The following KCNQ1 variants were observed in gnomAD, a reference collection of about 807,000 sequenced individuals.
KCNQ1 encodes the protein potassium voltage-gated channel subfamily KQT member 1.
A neutral mutation model predicts 72.4 loss-of-function variants in KCNQ1; 49 were observed. The ratio of observed to expected loss-of-function variants is 0.68; its 90% CI spans 0.54 to 0.86. The LOEUF (loss-of-function observed/expected upper bound fraction) is 0.86. Ranked by LOEUF, KCNQ1 falls within the 40% of genes least tolerant of loss-of-function variation. The probability of loss-of-function intolerance (pLI) is 0.00; values close to 1 mark genes in which losing one functional copy is unlikely to be tolerated. For synonymous variants in KCNQ1, 450 were observed against 412.6 expected, an observed-to-expected ratio of 1.09 and a Z score of -1.10; for missense variants, 790 against 945.1, an observed-to-expected ratio of 0.84 and a Z score of 2.15.
At chr11:2,504,343 T>C (rs1847064136) in intron 1 of KCNQ1, among the ~76,000 whole-genome samples, 1 of 151,674 alleles carries the variant, frequency 6.6e-6, no homozygotes, top group Admixed American at 6.6e-5. Context: ...TAGTGGGGGT[T>C]GTGAGGGAAG....
At chr11:2,622,262 G>A (rs767731813) in intron 10 of KCNQ1, 26 of 398,146 alleles carry the variant, frequency 6.5e-5, no homozygotes, top group South Asian at 1.3e-4. Context: ...TTCCAATTGC[G>A]AAGTCTTGAG....
intron 7 of KCNQ1, 144 bp downstream of exon 7, chr11:2,583,689 C>A (rs1361769309): frequency 2.8e-6 from 2 of 708,692 alleles, no homozygotes; most frequent in Non-Finnish European, 5.2e-6. Context: ...TACTCCAGAG[C>A]CCCACCTGCC....
intron 15 of KCNQ1, among the ~76,000 whole-genome samples, chr11:2,801,237 CT>C (rs1847257049): frequency 6.6e-6 from 1 of 152,182 alleles, no homozygotes; most frequent in Non-Finnish European, 1.5e-5. Flanking sequence ...GTGGAGCTGT[CT>C]GTAGGTGGAC....
intron 15 of KCNQ1, among the ~76,000 whole-genome samples, chr11:2,834,357 G>A (rs1039679722): frequency 5.9e-5 from 9 of 152,134 alleles, no homozygotes; most frequent in African/African-American, 2.2e-4. Context: ...GGGAGGGTGG[G>A]CAGAGCAGGA....
chr11:2,838,190 A>G (rs1848120203), intron 15 of KCNQ1, among the ~76,000 whole-genome samples: 3 of 152,248 alleles, frequency 2.0e-5, no homozygotes, highest in Admixed American at 1.3e-4. Flanking sequence ...AGAGGTGGGG[A>G]TGGAAGGAAG....
At chr11:2,472,369 T>A (rs1025274958) in intron 1 of KCNQ1, among the ~76,000 whole-genome samples, 1 of 151,464 alleles carries the variant, frequency 6.6e-6, no homozygotes, top group Non-Finnish European at 1.5e-5. Context: ...TGTGTACCTA[T>A]GTCTGTATAG....
intron 11 of KCNQ1, among the ~76,000 whole-genome samples, chr11:2,717,992 C>T (rs1851123800): frequency 6.6e-6 from 1 of 152,228 alleles, no homozygotes. Context: ...GCTGCGAAAG[C>T]TGCGTCTGTC....
chr11:2,643,912 A>G (rs1849620849), intron 10 of KCNQ1: 2 of 398,458 alleles, frequency 5.0e-6, no homozygotes, highest in Admixed American at 4.4e-5. Context: ...TTCTTTCAGC[A>G]CTCTGCGTAT....
chr11:2,662,288 T>C, intron 11 of KCNQ1: 1 of 614,584 alleles, frequency 1.6e-6, no homozygotes, highest in South Asian at 2.0e-5. Flanking sequence ...GGGAACATGA[T>C]CCTCTTGTTT....
rs1000301650 is a variant in KCNQ1 at position 2,544,308 on chromosome 11, ATATG to A, written c.477+16294_477+16297del. 1.1e-4 allele frequency among the ~76,000 whole-genome samples: 12 copies of A among 104,978 alleles called. No homozygotes were observed. The highest frequency in any genetic ancestry group is 2.0e-4 in the Admixed American group (2 of 9,854). The allele number at this position is 104,978 out of a possible 152,430, so 68.9% of individuals were successfully genotyped here. Reference sequence around the variant, plus strand: ...TATATATATATGTATATATGTGTATATATGTATATATCTATGTATATATATGTGT... The same window carrying A: ...TATATATATATGTATATATGTGTATATATATATCTATGTATATATATGTGT... On this transcript the variant is annotated intron_variant, in intron 2 of 15. Coordinates refer to ENST00000155840, the MANE Select transcript of KCNQ1 (RefSeq NM_000218.3). This position sits in a 1 kb window ranked among gnomAD's most constrained non-coding sequence, Gnocchi z 4.4.
Position 2,624,885 on chromosome 11 carries a change from A to C in KCNQ1, c.1393+36031A>C. The C allele has an allele frequency of 2.5e-6, 1 of 398,530 alleles. No homozygotes were observed. Among genetic ancestry groups the C allele is most frequent in the East Asian group, 3.6e-5 (1 of 28,062 alleles). The allele number at this position is 398,530 out of a possible 1,614,324, so 24.7% of individuals were successfully genotyped here. On this transcript the variant is annotated intron_variant, in intron 10 of 15. Coordinates refer to ENST00000155840, the MANE Select transcript of KCNQ1 (RefSeq NM_000218.3). This position sits in a 1 kb window ranked among gnomAD's most constrained non-coding sequence, Gnocchi z 4.9. ...TATTTCATTTAACATAATGGCCTCG[A>C]GGTTCATCCATGTTGTGGCATGTGT...
At chr11:2,788,396 C>T (rs916009413) in intron 15 of KCNQ1, among the ~76,000 whole-genome samples, 11 of 152,202 alleles carry the variant, frequency 7.2e-5, no homozygotes, top group Admixed American at 5.2e-4. Context: ...AAGTGTGTGT[C>T]GGTGCAGGCA....
rs938747774 is a variant in KCNQ1, at chr11:2,572,236, G to A, written c.780+127G>A. The A allele has an allele frequency of 5.8e-6, 4 of 691,410 alleles. No individual in the cohort carries two copies. In the East Asian group the frequency reaches 8.2e-5, roughly 14 times the overall value. 42.8% of individuals were successfully genotyped at this position (691,410 alleles called of 1,614,324 possible). ...GGGCCGGTGGGTGCCTGGGCGCAGG[G>A]GTACCTGAACGGGGCCCAGGATCTC... On this transcript the variant is annotated intron_variant, in intron 5 of 15. Coordinates refer to ENST00000155840, the MANE Select transcript of KCNQ1 (RefSeq NM_000218.3).
At chr11:2,794,424 A>G (rs234876) in intron 15 of KCNQ1, among the ~76,000 whole-genome samples, 50,780 of 152,028 alleles carry the variant, frequency 0.33, 8,684 homozygotes, top group Middle Eastern at 0.42. Context: ...GTGCTTAGAG[A>G]TCAAGTGGAA....
At chr11:2,513,983 G>C (rs1296043397) in intron 1 of KCNQ1, among the ~76,000 whole-genome samples, 1 of 152,222 alleles carries the variant, frequency 6.6e-6, no homozygotes, top group Non-Finnish European at 1.5e-5. Context: ...GCTGCTCAGA[G>C]AGGCAAGTGG....
chr11:2,681,544 A>G lies in KCNQ1; in HGVS notation c.1514+19463A>G, dbSNP rs1850396849. The G allele has an allele frequency of 1.5e-5, 6 of 398,324 alleles. No homozygotes were observed. The East Asian group carries it at 2.1e-4, about 14-fold the overall frequency. The allele number at this position is 398,324 out of a possible 1,614,324, so 24.7% of individuals were successfully genotyped here. A position where few individuals can be genotyped will look rare whatever the true frequency, so the allele number is the denominator to read the frequency against. On this transcript the variant is annotated intron_variant, in intron 11 of 15. Transcript: ENST00000155840. ...AGCCAGCCCATGATGCCTGGAAGGA[A>G]CTTACCCTTTTCTAGAGTAACTTCC...
rs530885134 is a variant in KCNQ1 at position 2,715,260 on chromosome 11, C to A, written c.1514+53179C>A. On this transcript the variant is annotated intron_variant, in intron 11 of 15. Coordinates refer to ENST00000155840, the MANE Select transcript of KCNQ1 (RefSeq NM_000218.3). The surrounding 1 kb of genome is among the most constrained non-coding windows in gnomAD (Gnocchi z 4.9). The stretch of plus-strand genomic sequence containing the variant: ...GGCCAGCTGGGGTTTGGTGCTGAGC[C>A]TCTGTCTGACTCTCTGCTCTCTGGA... Among the ~76,000 whole-genome samples the A allele has an allele frequency of 6.6e-6, 1 of 152,264 alleles. No individual in the cohort carries two copies. The highest frequency in any genetic ancestry group is 1.9e-4 in the East Asian group (1 of 5,162).
chr11:2,485,480 A>G (rs937658518), intron 1 of KCNQ1, among the ~76,000 whole-genome samples: 2 of 151,782 alleles, frequency 1.3e-5, no homozygotes, highest in African/African-American at 4.8e-5. Context: ...CTTTCTTACA[A>G]AAAGGGAAGC....
intron 11 of KCNQ1, chr11:2,694,894 A>G: frequency 2.5e-6 from 1 of 398,668 alleles, no homozygotes; most frequent in Non-Finnish European, 4.4e-6. Flanking sequence ...TTGTCAAGGG[A>G]AGATCACCAG....
Sources: allele counts gnomAD v4.1 joint callset (sites outside exome capture counted in the v4.1 genomes callset), GRCh38; gene constraint gnomAD v4.1.1; non-coding constraint Gnocchi (gnomAD v3.1); transcripts MANE v1.5; gene names NCBI Gene and HGNC (gene_info 2026-07-23, HGNC 2026-07-21).